The following THSD4 variants were observed in gnomAD, a reference collection of about 807,000 sequenced individuals.
THSD4 encodes thrombospondin type 1 domain containing 4.
In THSD4, 69 loss-of-function variants were observed where a neutral mutation model predicts 119.0. The ratio of observed to expected loss-of-function variants is 0.58; its 90% CI spans 0.48 to 0.71. The LOEUF (loss-of-function observed/expected upper bound fraction) is 0.71. Among genes scored for constraint, THSD4 ranks in the 30% least tolerant of loss-of-function variants. The probability of loss-of-function intolerance (pLI) is 0.00; values close to 1 mark genes in which losing one functional copy is unlikely to be tolerated. For synonymous variants in THSD4, 524 were observed against 540.4 expected, an observed-to-expected ratio of 0.97 and a Z score of 0.42; for missense variants, 1,393 against 1,391.1, an observed-to-expected ratio of 1.00 and a Z score of -0.02.
intron 6 of THSD4, among the ~76,000 whole-genome samples, chr15:71,399,618 T>A (rs1332838447): frequency 6.6e-6 from 1 of 152,240 alleles, no homozygotes; most frequent in Non-Finnish European, 1.5e-5. Context: ...GCTAGTAGGC[T>A]GGTTACAAGC....
At chr15:71,718,782 C>T (rs1435773969) in intron 8 of THSD4, among the ~76,000 whole-genome samples, 3 of 152,160 alleles carry the variant, frequency 2.0e-5, no homozygotes, top group Non-Finnish European at 4.4e-5. Flanking sequence ...CCTTCATCCT[C>T]TGTCCGGTGA....
intron 1 of THSD4, among the ~76,000 whole-genome samples, chr15:71,118,918 G>T (rs2040386235): frequency 1.3e-5 from 2 of 152,168 alleles, no homozygotes. Context: ...CCGCTGTGCT[G>T]AGGCTGGGAC....
chr15:71,520,550 G>T (rs2048425437), intron 7 of THSD4, among the ~76,000 whole-genome samples: 1 of 152,160 alleles, frequency 6.6e-6, no homozygotes, highest in African/African-American at 2.4e-5. Flanking sequence ...TGAGTTGGGA[G>T]AATGTTCATA....
chr15:71,672,631 G>A (rs1020913819), intron 8 of THSD4, among the ~76,000 whole-genome samples: 12 of 152,112 alleles, frequency 7.9e-5, no homozygotes, highest in Admixed American at 6.6e-4. Context: ...GGTTTGTCAT[G>A]AATAGCTCTT....
At chr15:71,187,448 G>T (rs539149465) in intron 3 of THSD4, 1 of 152,752 alleles carries the variant, frequency 6.5e-6, no homozygotes, top group African/African-American at 2.4e-5. Flanking sequence ...TAAGGTTGGA[G>T]CTAAAAACAA....
At chr15:71,517,928 C>T (rs574105663) in intron 7 of THSD4, among the ~76,000 whole-genome samples, 1 of 152,278 alleles carries the variant, frequency 6.6e-6, no homozygotes, top group East Asian at 1.9e-4. Context: ...TACTGGAGGT[C>T]CCCCAGAGGG....
chr15:71,765,924 C>T (rs1203960227), intron 16 of THSD4, among the ~76,000 whole-genome samples: 2 of 151,908 alleles, frequency 1.3e-5, no homozygotes, highest in African/African-American at 4.8e-5. Context: ...CAAAATTATG[C>T]CTCACCTAGT....
chr15:71,759,015 T>G (rs540170818), intron 15 of THSD4, among the ~76,000 whole-genome samples: 4 of 152,264 alleles, frequency 2.6e-5, no homozygotes, highest in Admixed American at 2.6e-4. Flanking sequence ...AACAGAGATG[T>G]TCATGACAGC....
chr15:71,268,635 G>GA (rs1481870824), intron 6 of THSD4, among the ~76,000 whole-genome samples: 1 of 144,942 alleles, frequency 6.9e-6, no homozygotes, highest in Non-Finnish European at 1.5e-5. Flanking sequence ...ATAGAGACAT[G>GA]AAAAACGCTT....
chr15:71,272,560 G>A (rs2044544620), intron 6 of THSD4, among the ~76,000 whole-genome samples: 1 of 152,024 alleles, frequency 6.6e-6, no homozygotes, highest in Non-Finnish European at 1.5e-5. Flanking sequence ...ACTACAATAA[G>A]CTATCATCTC....
intron 6 of THSD4, among the ~76,000 whole-genome samples, chr15:71,374,238 G>A (rs2046100509): frequency 6.6e-6 from 1 of 152,156 alleles, no homozygotes; most frequent in African/African-American, 2.4e-5. Context: ...ACCTTTCTTT[G>A]CAAAGCACTC....
intron 8 of THSD4, among the ~76,000 whole-genome samples, chr15:71,713,409 C>T (rs1017239193): frequency 6.6e-5 from 10 of 152,182 alleles, no homozygotes; most frequent in East Asian, 1.9e-4. Flanking sequence ...CATGGCCCTC[C>T]GCCCACACCT....
chr15:71,369,271 A>G (rs535123225), intron 6 of THSD4, among the ~76,000 whole-genome samples: 95 of 152,234 alleles, frequency 6.2e-4, no homozygotes, highest in African/African-American at 2.2e-3. Context: ...AATACCCTTT[A>G]TTTCTTTCTC....
intron 7 of THSD4, among the ~76,000 whole-genome samples, chr15:71,566,739 C>T (rs556797420): frequency 1.3e-5 from 2 of 151,890 alleles, no homozygotes; most frequent in African/African-American, 2.4e-5. Context: ...AGGGCCCCCC[C>T]TCTTTCCCCC....
intron 3 of THSD4, among the ~76,000 whole-genome samples, chr15:71,206,686 C>T (rs2043846396): frequency 6.6e-6 from 1 of 152,114 alleles, no homozygotes; most frequent in Non-Finnish European, 1.5e-5. Flanking sequence ...CCATTGAAAA[C>T]ATTGAGAGCT....
chr15:71,118,678 G>A (rs570017122), intron 1 of THSD4, among the ~76,000 whole-genome samples: 16 of 152,148 alleles, frequency 1.1e-4, no homozygotes, highest in East Asian at 5.8e-4. Context: ...TTTTCTTTGC[G>A]TGTGTATGCA....
chr15:71,405,492 A>G (rs1027888589), intron 6 of THSD4, among the ~76,000 whole-genome samples: 9 of 152,326 alleles, frequency 5.9e-5, no homozygotes, highest in South Asian at 2.1e-4. Context: ...TCAAAAATCA[A>G]TTGTCCATAA....
In THSD4 at chr15:71,758,007, G is replaced by A. The variant is rs763815889; in HGVS notation, c.2521G>A (p.Glu841Lys). ...GGGCTGTGGGAACAACCGGCCGGCA[G>A]AGGCCACCCCATGTGACAACGGACC... The part of the protein sequence containing the change: ...LEGCGNNRPA[E>K]ATPCDNGPCT... Residue 841 changes from glutamate to lysine, a missense_variant, in exon 15 of 18, where the codon GAG (glutamate) becomes AAG (lysine). Physicochemically the swap from Glu to Lys is moderately conservative, Grantham distance 56. Transcript: ENST00000261862. 6.2e-7 allele frequency: 1 copy of A among 1,613,738 alleles called. No homozygotes were observed. The highest frequency in any genetic ancestry group is 1.1e-5 in the South Asian group (1 of 90,950).
At position 71,608,237 on chromosome 15, in the gene THSD4, A is replaced by AAATATAT. The variant is rs537013275; in HGVS notation, c.1153-52292_1153-52291insATATATA. On this transcript the variant is annotated intron_variant, in intron 7 of 17. Coordinates refer to ENST00000261862, the MANE Select transcript of THSD4 (RefSeq NM_024817.3). ...AACTCTGTCTCAAAAAAAAAAAAAA[A>AAATATAT]ATATATATATATACACACACACACA... is the stretch of plus-strand genomic sequence containing the variant. Among the ~76,000 whole-genome samples the AAATATAT allele has an allele frequency of 9.3e-3, 1,042 of 111,552 alleles. 91 individuals carry two copies. The East Asian group carries it at 0.2, about 21-fold the overall frequency. 73.2% of individuals were successfully genotyped at this position (111,552 alleles called of 152,430 possible).
Sources: gnomAD v4.1 joint callset for allele counts (sites outside exome capture counted in the v4.1 genomes callset) on GRCh38, gnomAD v4.1.1 for gene constraint, MANE v1.5 for transcripts, NCBI Gene and HGNC (gene_info 2026-07-23, HGNC 2026-07-21) for gene names.